Variants in ADAMTSL3 observed in about 807,000 individuals in gnomAD.
ADAMTSL3 encodes the protein ADAMTS-like protein 3.
Under a neutral mutation model 201.7 loss-of-function variants are expected in ADAMTSL3, and 128 were observed. That is an observed-to-expected ratio of 0.63 (90% CI 0.55 to 0.73). The LOEUF is 0.73. Among genes scored for constraint, ADAMTSL3 ranks in the 30% least tolerant of loss-of-function variants. The pLI is 0.00. For missense variants in ADAMTSL3, 1,990 were observed against 2,119.6 expected (o/e 0.94, Z 1.20); for synonymous variants, 738 against 748.4 (o/e 0.99, Z 0.23).
intron 3 of ADAMTSL3, among the ~76,000 whole-genome samples, chr15:83,732,363 C>G (rs2062292575): frequency 6.6e-6 from 1 of 152,034 alleles, no homozygotes; most frequent in South Asian, 2.1e-4. Context: ...ACTAAGTGTC[C>G]TAATTCTGTC....
intron 3 of ADAMTSL3, among the ~76,000 whole-genome samples, chr15:83,724,502 G>A (rs2062145128): frequency 6.6e-6 from 1 of 151,928 alleles, no homozygotes; most frequent in Admixed American, 6.6e-5. Context: ...ATCACATCAG[G>A]GTAAATGGGG....
chr15:83,701,083 C>G (rs1019933594), intron 2 of ADAMTSL3, among the ~76,000 whole-genome samples: 1 of 152,168 alleles, frequency 6.6e-6, no homozygotes, highest in South Asian at 2.1e-4. Flanking sequence ...CCCTGCTTCT[C>G]CTGTTTGCAG....
rs777094749 is a variant in ADAMTSL3, at chr15:83,913,076, T to A, written c.1701-16T>A. 1 of 1,609,752 alleles carries A rather than the reference T, an allele frequency of 6.2e-7. No individual in the cohort carries two copies. Among genetic ancestry groups the A allele is most frequent in the Admixed American group, 1.7e-5 (1 of 59,908 alleles). On this transcript the variant is annotated splice_polypyrimidine_tract_variant and intron_variant, in intron 15 of 29. Transcript: ENST00000286744. ...CCCTCAGTGTCCTTTTCTGGTGGCT[T>A]CCTGGTTTTCCCTAGGTTCATTCCA...
intron 4 of ADAMTSL3, among the ~76,000 whole-genome samples, chr15:83,776,455 C>T (rs1032683793): frequency 3.3e-5 from 5 of 152,268 alleles, no homozygotes; most frequent in Non-Finnish European, 5.9e-5. Flanking sequence ...CAGTGGCTCA[C>T]GCCTGTAATC....
At chr15:83,757,422 A>AGCTGAGTGGCTGAGTGGCTGAGTG (rs138286342) in intron 3 of ADAMTSL3, among the ~76,000 whole-genome samples, 1 of 151,376 alleles carries the variant, frequency 6.6e-6, no homozygotes, top group Non-Finnish European at 1.5e-5. Context: ...GGCCCCTTTT[A>AGCTGAGTGGCTGAGTGGCTGAGTG]GCTGAGTGGC....
At chr15:84,031,521 G>A (rs2068409589) in intron 28 of ADAMTSL3, 89 bp downstream of exon 28, 1 of 1,166,358 alleles carries the variant, frequency 8.6e-7, no homozygotes. Context: ...ATCCTTTCTA[G>A]TTTCTACCAA....
chr15:83,837,231 T>C (rs2141975189), intron 6 of ADAMTSL3, among the ~76,000 whole-genome samples: 1 of 151,362 alleles, frequency 6.6e-6, no homozygotes, highest in East Asian at 1.9e-4. Context: ...TAGGCATAGG[T>C]ACAGCTAATG....
At chr15:83,853,626 A>C (rs2064665246) in intron 7 of ADAMTSL3, among the ~76,000 whole-genome samples, 1 of 152,198 alleles carries the variant, frequency 6.6e-6, no homozygotes, top group Admixed American at 6.5e-5. Flanking sequence ...CCTAAATTTG[A>C]GCAACACTAG....
rs114705230 is a variant in ADAMTSL3, at chr15:83,896,892, A to G, written c.1468-966A>G. Among the ~76,000 whole-genome samples, 1,309 of 152,286 alleles carry G rather than the reference A, an allele frequency of 8.6e-3. 15 individuals are homozygous for G. Among genetic ancestry groups the G allele is most frequent in the African/African-American group, 0.029 (1,221 of 41,562 alleles). ...TGATGGTGGAGGGTGAAGTAGAAGC[A>G]AGTACCTTCTTCACAAGGCAGCGGG... On this transcript the variant is annotated intron_variant, in intron 13 of 29. Coordinates refer to ENST00000286744, the MANE Select transcript of ADAMTSL3 (RefSeq NM_207517.3).
chr15:84,025,946 C>A (rs150755481), intron 27 of ADAMTSL3, among the ~76,000 whole-genome samples: 1 of 152,084 alleles, frequency 6.6e-6, no homozygotes, highest in Admixed American at 6.6e-5. Flanking sequence ...ACGAAGATGT[C>A]GATTTCCTTA....
chr15:83,982,185 A>G (rs1485449658), intron 20 of ADAMTSL3, 88 bp from the exon 21 acceptor site: 32 of 1,004,272 alleles, frequency 3.2e-5, no homozygotes, highest in Non-Finnish European at 4.6e-5. Flanking sequence ...GTTAGCCTGT[A>G]TCAGCCTTGA....
At chr15:83,917,860 ATTAT>A (rs974056716) in intron 16 of ADAMTSL3, among the ~76,000 whole-genome samples, 3 of 152,170 alleles carry the variant, frequency 2.0e-5, no homozygotes, top group African/African-American at 7.2e-5. Flanking sequence ...ATTAAATGTG[ATTAT>A]TAAATAAGGT....
intron 3 of ADAMTSL3, among the ~76,000 whole-genome samples, chr15:83,757,762 A>G (rs1258485293): frequency 6.6e-6 from 1 of 152,202 alleles, no homozygotes; most frequent in East Asian, 1.9e-4. Flanking sequence ...AATGCTTTTA[A>G]CAGCACCCAA....
At chr15:84,025,752 A>G (rs1336995953) in intron 27 of ADAMTSL3, among the ~76,000 whole-genome samples, 1 of 152,216 alleles carries the variant, frequency 6.6e-6, no homozygotes, top group African/African-American at 2.4e-5. Context: ...CATTAGTGGT[A>G]TCTGCACAAA....
chr15:84,033,033 T>C (rs927426568), intron 28 of ADAMTSL3, among the ~76,000 whole-genome samples: 2 of 152,246 alleles, frequency 1.3e-5, no homozygotes, highest in Non-Finnish European at 2.9e-5. Flanking sequence ...CATTGTAATG[T>C]GTACTTTCCT....
At chr15:83,714,509 C>T (rs1013364285) in intron 3 of ADAMTSL3, among the ~76,000 whole-genome samples, 1 of 152,162 alleles carries the variant, frequency 6.6e-6, no homozygotes, top group Non-Finnish European at 1.5e-5. Flanking sequence ...ACTGTTCCTC[C>T]CCCTGCCATC....
At chr15:83,950,997 T>C (rs1441343191) in intron 19 of ADAMTSL3, among the ~76,000 whole-genome samples, 1 of 150,852 alleles carries the variant, frequency 6.6e-6, no homozygotes, top group African/African-American at 2.4e-5. Context: ...TTATTTCTTT[T>C]CTTTTCTTTT....
intron 5 of ADAMTSL3, among the ~76,000 whole-genome samples, chr15:83,812,137 T>C (rs1452464197): frequency 6.6e-6 from 1 of 152,232 alleles, no homozygotes; most frequent in Non-Finnish European, 1.5e-5. Flanking sequence ...TATCTTTTTT[T>C]CCATGTAATT....
intron 6 of ADAMTSL3, chr15:83,824,870 T>G (rs940145338): frequency 1.3e-5 from 2 of 152,330 alleles, no homozygotes; most frequent in African/African-American, 4.8e-5. Flanking sequence ...ATTAAATTAA[T>G]GGAATGTTTC....
Sources: gnomAD v4.1 joint callset for allele counts (sites outside exome capture counted in the v4.1 genomes callset) on GRCh38, gnomAD v4.1.1 for gene constraint, MANE v1.5 for transcripts, NCBI Gene and HGNC (gene_info 2026-07-23, HGNC 2026-07-21) for gene names.